Variants in LRRC8C observed in about 807,000 individuals in gnomAD.
LRRC8C encodes leucine rich repeat containing 8 VRAC subunit C, also known as volume-regulated anion channel subunit LRRC8C.
A neutral mutation model predicts 55.3 loss-of-function variants in LRRC8C; 20 were observed. The observed-to-expected ratio is 0.36, with a 90% CI of 0.25 to 0.53. The LOEUF (loss-of-function observed/expected upper bound fraction) is 0.53. Among genes scored for constraint, LRRC8C ranks in the 20% least tolerant of loss-of-function variants. LRRC8C has a pLI of 0.92. For missense variants in LRRC8C, 659 were observed against 951.4 expected (o/e 0.69, Z 4.04); for synonymous variants, 376 against 360.7 (o/e 1.04, Z -0.48).
intron 1 of LRRC8C, among the ~76,000 whole-genome samples, chr1:89,682,636 AG>A (rs1285564926): frequency 6.6e-6 from 1 of 152,230 alleles, no homozygotes; most frequent in African/African-American, 2.4e-5. Flanking sequence ...CTCAAGATAG[AG>A]GCACTAGACT....
At chr1:89,712,589 G>A (rs1658679705) in intron 2 of LRRC8C, 120 bp from the exon 3 acceptor site, 1 of 677,024 alleles carries the variant, frequency 1.5e-6, no homozygotes, top group East Asian at 2.7e-5. Flanking sequence ...ATTGAACGTT[G>A]TATTCTCCAG....
intron 1 of LRRC8C, among the ~76,000 whole-genome samples, chr1:89,642,216 T>C (rs1656477399): frequency 6.6e-6 from 1 of 152,236 alleles, no homozygotes; most frequent in South Asian, 2.1e-4. Context: ...CTCAGATTCT[T>C]ATCCTGCTAG....
rs543634219 is a variant in LRRC8C at position 89,714,227 on chromosome 1, G to A, written c.1657G>A (p.Val553Ile). 13 of 1,614,044 alleles carry A rather than the reference G, an allele frequency of 8.1e-6. No homozygotes were observed. Among genetic ancestry groups the A allele is most frequent in the South Asian group, 3.3e-5 (3 of 91,074 alleles). ...TAAAATTCTCTCTATCAAAAGCAAC[G>A]TTTCCAAAATCCCTCAGGCAGTGGT... is the stretch of plus-strand genomic sequence containing the variant. ...SLKILSIKSNVSKIPQAVVDV... is the reference protein window; with the variant it reads ...SLKILSIKSNISKIPQAVVDV... Residue 553 changes from valine to isoleucine, a missense_variant, in exon 3 of 3, where the codon GTT (valine) becomes ATT (isoleucine). Coordinates refer to ENST00000370454, the MANE Select transcript of LRRC8C (RefSeq NM_032270.5). This position sits in a 1 kb window ranked among gnomAD's most constrained non-coding sequence, Gnocchi z 4.6.
chr1:89,683,274 TGTTACAAAATCATGC>T (rs1173608974), intron 1 of LRRC8C, among the ~76,000 whole-genome samples: 4 of 152,318 alleles, frequency 2.6e-5, no homozygotes, highest in South Asian at 2.1e-4. Context: ...CAATGCATGA[TGTTACAAAATCATGC>T]GTTACAAAAT....
At chr1:89,664,715 C>G (rs1657209949) in intron 1 of LRRC8C, among the ~76,000 whole-genome samples, 1 of 152,168 alleles carries the variant, frequency 6.6e-6, no homozygotes, top group Non-Finnish European at 1.5e-5. Context: ...AGCATTGAAT[C>G]TATAAAATTA....
chr1:89,639,935 A>G (rs545987255), intron 1 of LRRC8C, among the ~76,000 whole-genome samples: 1 of 152,350 alleles, frequency 6.6e-6, no homozygotes, highest in Non-Finnish European at 1.5e-5. Context: ...AAAGCAGGAG[A>G]AAGTATATAA....
In LRRC8C at chr1:89,651,558, ACT is replaced by A. The variant is rs1406049729; in HGVS notation, c.-5+18239_-5+18240del. ...ACTCCAGTCTCGGTGACAGAGCGAGACTCTGTCTCAAAAAAAAAAAAAAAAAA... is the reference window on the plus strand; with the variant it reads ...ACTCCAGTCTCGGTGACAGAGCGAGACTGTCTCAAAAAAAAAAAAAAAAAA... On this transcript the variant is annotated intron_variant, in intron 1 of 2. Coordinates refer to ENST00000370454, the MANE Select transcript of LRRC8C (RefSeq NM_032270.5). Among the ~76,000 whole-genome samples the A allele has an allele frequency of 1.1e-4, 14 of 122,370 alleles. No individual in the cohort carries two copies. The East Asian group carries it at 2.7e-3, about 24-fold the overall frequency. The allele number at this position is 122,370 out of a possible 152,430, so 80.3% of individuals were successfully genotyped here.
At chr1:89,645,903 GA>G (rs1377225157) in intron 1 of LRRC8C, among the ~76,000 whole-genome samples, 1 of 151,746 alleles carries the variant, frequency 6.6e-6, no homozygotes, top group African/African-American at 2.4e-5. Flanking sequence ...AAATTAATGG[GA>G]AAAAATAATG....
intron 1 of LRRC8C, among the ~76,000 whole-genome samples, chr1:89,658,060 A>G (rs1316287265): frequency 2.6e-5 from 4 of 152,160 alleles, no homozygotes; most frequent in Non-Finnish European, 5.9e-5. Context: ...TGCCACATCC[A>G]AGAGCAGAAT....
chr1:89,676,121 G>T (rs905086070), intron 1 of LRRC8C: 1 of 152,128 alleles, frequency 6.6e-6, no homozygotes, highest in Non-Finnish European at 1.5e-5. Context: ...AGAAATTAAA[G>T]CTTTCTTTTA....
At chr1:89,643,416 G>A (rs1557646391) in intron 1 of LRRC8C, among the ~76,000 whole-genome samples, 2 of 152,188 alleles carry the variant, frequency 1.3e-5, no homozygotes, top group Admixed American at 1.3e-4. Context: ...TATACAAATA[G>A]CTACATTACC....
In LRRC8C at chr1:89,712,723, G is replaced by T. The variant is rs779292389; in HGVS notation, c.153G>T (p.Lys51Asn). Reference sequence around the variant, plus strand: ...CCATGTTTCAGGTCATGCAAGACAAGATAATCTGCCTTCCGAAAAGAGTGC... The same window carrying T: ...CCATGTTTCAGGTCATGCAAGACAATATAATCTGCCTTCCGAAAAGAGTGC... ...FGCTLQVMQD[K>N]IICLPKRVQP... The change falls in exon 3 of 3, where the codon AAG (lysine) becomes AAT (asparagine). Residue 51 changes from lysine (K) to asparagine (N), a missense_variant. This residue lies in a region of LRRC8C where 82 missense variants were observed against 71.4 expected (regional missense o/e 1.15). Coordinates refer to ENST00000370454, the MANE Select transcript of LRRC8C (RefSeq NM_032270.5). 1 of 1,613,308 alleles carries T rather than the reference G, an allele frequency of 6.2e-7. No homozygotes were observed. Among genetic ancestry groups the T allele is most frequent in the Non-Finnish European group, 8.5e-7 (1 of 1,179,286 alleles).
chr1:89,701,732 A>G (rs1658332106), intron 2 of LRRC8C, among the ~76,000 whole-genome samples: 1 of 152,202 alleles, frequency 6.6e-6, no homozygotes, highest in Non-Finnish European at 1.5e-5. Flanking sequence ...AACAGGTGTT[A>G]CAATTCAAAA....
At chr1:89,687,392 C>T (rs928365659) in intron 2 of LRRC8C, among the ~76,000 whole-genome samples, 1 of 152,014 alleles carries the variant, frequency 6.6e-6, no homozygotes, top group Non-Finnish European at 1.5e-5. Flanking sequence ...TAAGAGGACA[C>T]CAAGAGGAGA....
chr1:89,643,446 A>T lies in LRRC8C; in HGVS notation c.-5+10124A>T, dbSNP rs560286874. On this transcript the variant is annotated intron_variant, in intron 1 of 2. Transcript: ENST00000370454. ...ATTACCAGGAGCAGTAAAGTGTCTC[A>T]ATGTGTATAGTAATGACTACCATTC... 2.8e-4 allele frequency among the ~76,000 whole-genome samples: 43 copies of T among 152,368 alleles called. No individual in the cohort carries two copies. In the South Asian group the frequency reaches 8.9e-3, roughly 32 times the overall value.
chr1:89,657,359 G>T (rs1656973746), intron 1 of LRRC8C, among the ~76,000 whole-genome samples: 3 of 152,120 alleles, frequency 2.0e-5, no homozygotes, highest in Admixed American at 2.0e-4. Context: ...TATATTGTTG[G>T]TATCCTAAAT....
intron 1 of LRRC8C, among the ~76,000 whole-genome samples, chr1:89,664,960 G>C (rs1290827612): frequency 6.6e-6 from 1 of 152,106 alleles, no homozygotes; most frequent in Non-Finnish European, 1.5e-5. Context: ...TGCTGTATAG[G>C]AATGCTTGTG....
At chr1:89,651,096 G>A (rs1472052297) in intron 1 of LRRC8C, among the ~76,000 whole-genome samples, 1 of 152,176 alleles carries the variant, frequency 6.6e-6, no homozygotes, top group African/African-American at 2.4e-5. Context: ...TCCAGAGGCT[G>A]ACAATAACTG....
rs1196634004 is a variant in LRRC8C, at chr1:89,714,781, A to G, written c.2211A>G (p.Gly737=). ...FCKKLKTLKI[G]KNSLSVLSPK... is the part of the protein sequence containing the mutation. ...AGAAACTTAAAACTCTGAAGATTGGAAAAAACAGCCTATCTGTACTTTCAC... is the reference window on the plus strand; with the variant it reads ...AGAAACTTAAAACTCTGAAGATTGGGAAAAACAGCCTATCTGTACTTTCAC... Residue 737 remains glycine (G), a synonymous_variant, in exon 3 of 3, where the codon GGA becomes GGG. Coordinates refer to ENST00000370454, the MANE Select transcript of LRRC8C (RefSeq NM_032270.5). This position sits in a 1 kb window ranked among gnomAD's most constrained non-coding sequence, Gnocchi z 4.6. 6.2e-7 allele frequency: 1 copy of G among 1,613,890 alleles called. No homozygotes were observed. The highest frequency in any genetic ancestry group is 1.1e-5 in the South Asian group (1 of 90,998).
Sources: gnomAD v4.1 joint callset for allele counts (sites outside exome capture counted in the v4.1 genomes callset) on GRCh38, gnomAD v4.1.1 for gene constraint, gnomAD v4.1.1 regional missense constraint, Gnocchi (gnomAD v3.1) non-coding constraint, MANE v1.5 for transcripts, NCBI Gene and HGNC (gene_info 2026-07-23, HGNC 2026-07-21) for gene names.